The following USP12 variants were observed in gnomAD, a reference collection of about 807,000 sequenced individuals.
USP12 encodes the protein ubiquitin carboxyl-terminal hydrolase 12.
USP12 carries 19 observed loss-of-function variants against 45.5 expected under a neutral mutation model. The observed-to-expected ratio is 0.42, with a 90% CI of 0.29 to 0.61. The LOEUF is 0.61. Among genes scored for constraint, USP12 ranks in the 20% least tolerant of loss-of-function variants. The pLI, the probability that USP12 is intolerant of heterozygous loss-of-function variation, is 0.22. For missense variants in USP12, 242 were observed against 447.7 expected (o/e 0.54, Z 4.15); for synonymous variants, 149 against 148.8 (o/e 1.00, Z -0.01).
At chr13:27,132,936 A>C (rs1273324222) in intron 1 of USP12, among the ~76,000 whole-genome samples, 1 of 152,232 alleles carries the variant, frequency 6.6e-6, no homozygotes, top group Non-Finnish European at 1.5e-5. Context: ...GCTATTCTGA[A>C]TGAACTTCTT....
rs1873047633 is a variant in USP12 at position 27,067,424 on chromosome 13, C to T, written c.*1859G>A. The T allele has an allele frequency of 6.6e-6, 1 of 152,178 alleles. No homozygotes were observed. The highest frequency in any genetic ancestry group is 1.9e-4 in the East Asian group (1 of 5,186). 9.4% of individuals were successfully genotyped at this position (152,178 alleles called of 1,614,324 possible). A position where few individuals can be genotyped will look rare whatever the true frequency, so the allele number is the denominator to read the frequency against. On this transcript the variant is annotated 3_prime_UTR_variant, in exon 9 of 9. Transcript: ENST00000282344. ...GTGGCATGTTGGTAGATCAGGCTGG[C>T]TTATATATAATTTGTACAAAACACC...
At chr13:27,106,594 TA>T (rs1262293238) in intron 2 of USP12, among the ~76,000 whole-genome samples, 38 of 152,336 alleles carry the variant, frequency 2.5e-4, no homozygotes, top group Middle Eastern at 3.4e-3. Flanking sequence ...ATAATTCTCA[TA>T]TTTCTACTAT....
chr13:27,111,405 C>T (rs1452411999), intron 2 of USP12, among the ~76,000 whole-genome samples: 1 of 152,096 alleles, frequency 6.6e-6, no homozygotes, highest in Non-Finnish European at 1.5e-5. Context: ...AACAAAAAAA[C>T]ATTGCTTTAG....
At chr13:27,089,042 A>G (rs1473394919) in intron 6 of USP12, among the ~76,000 whole-genome samples, 1 of 152,242 alleles carries the variant, frequency 6.6e-6, no homozygotes, top group Non-Finnish European at 1.5e-5. Context: ...CAAAATAACT[A>G]ACTTATGATT....
intron 1 of USP12, among the ~76,000 whole-genome samples, chr13:27,127,315 A>G (rs554730173): frequency 1.3e-5 from 2 of 152,354 alleles, no homozygotes; most frequent in South Asian, 4.1e-4. Context: ...AAATCGGCAC[A>G]AAGCAAAGTG....
At chr13:27,160,076 A>G (rs749371997) in intron 1 of USP12, among the ~76,000 whole-genome samples, 18 of 152,194 alleles carry the variant, frequency 1.2e-4, no homozygotes, top group Non-Finnish European at 2.2e-4. Context: ...GAACGAAAAT[A>G]CCACCTTAAA....
chr13:27,095,858 AT>A, intron 3 of USP12, 28 bp from the exon 4 acceptor site: 2 of 1,504,980 alleles, frequency 1.3e-6, no homozygotes, highest in Non-Finnish European at 1.8e-6. Context: ...ATATTAGAGA[AT>A]TATTTCAGAA....
At chr13:27,071,844 C>CA (rs1417102487) in intron 7 of USP12, among the ~76,000 whole-genome samples, 2 of 152,044 alleles carry the variant, frequency 1.3e-5, no homozygotes, top group African/African-American at 2.4e-5. Flanking sequence ...AAGGATATGA[C>CA]AAAGGTTTTA....
At chr13:27,156,219 G>A (rs1238755588) in intron 1 of USP12, among the ~76,000 whole-genome samples, 12 of 141,888 alleles carry the variant, frequency 8.5e-5, no homozygotes, top group Non-Finnish European at 9.2e-5. Flanking sequence ...CTCCTGCAAG[G>A]AAAAAAAAAA....
Position 27,068,862 on chromosome 13 carries a change from A to G in USP12, c.*421T>C. Reference sequence around the variant, plus strand: ...TGAAAAGACCACTGAATATGCTTCTATACATACTGAACCAGGCAAATTTAT... The same window carrying G: ...TGAAAAGACCACTGAATATGCTTCTGTACATACTGAACCAGGCAAATTTAT... On this transcript the variant is annotated 3_prime_UTR_variant, in exon 9 of 9. Transcript: ENST00000282344. The G allele has an allele frequency of 5.3e-6, 1 of 188,964 alleles. No individual in the cohort carries two copies. Among genetic ancestry groups the G allele is most frequent in the East Asian group, 1.7e-4 (1 of 6,056 alleles). The allele number at this position is 188,964 out of a possible 1,614,324, so 11.7% of individuals were successfully genotyped here. A position where few individuals can be genotyped will look rare whatever the true frequency, so the allele number is the denominator to read the frequency against.
At chr13:27,108,743 G>A (rs760807193) in intron 2 of USP12, among the ~76,000 whole-genome samples, 3 of 152,104 alleles carry the variant, frequency 2.0e-5, no homozygotes, top group Non-Finnish European at 4.4e-5. Context: ...GATCAGTTGC[G>A]GTCAGGAGTT....
chr13:27,152,767 C>A (rs1321052438), intron 1 of USP12, among the ~76,000 whole-genome samples: 1 of 151,540 alleles, frequency 6.6e-6, no homozygotes, highest in African/African-American at 2.4e-5. Context: ...ACGGTGAAAC[C>A]CCGTCTCTAC....
intron 1 of USP12, chr13:27,170,051 G>A: frequency 2.9e-6 from 1 of 343,842 alleles, no homozygotes; most frequent in African/African-American, 2.1e-5. Flanking sequence ...AATTGACTAA[G>A]ATAATAATTG....
intron 1 of USP12, among the ~76,000 whole-genome samples, chr13:27,169,729 C>T (rs1194945306): frequency 6.6e-6 from 1 of 152,166 alleles, no homozygotes; most frequent in Non-Finnish European, 1.5e-5. Flanking sequence ...CTGTCCTAAT[C>T]TGATTACAGC....
chr13:27,081,486 T>G (rs1340166704), intron 6 of USP12, among the ~76,000 whole-genome samples: 2 of 152,210 alleles, frequency 1.3e-5, no homozygotes, highest in Non-Finnish European at 2.9e-5. Context: ...ACATCTACAG[T>G]GACTTCCTCC....
Position 27,116,503 on chromosome 13 carries a change from A to G in USP12, c.129+13T>C. The G allele has an allele frequency of 3.7e-6, 6 of 1,612,180 alleles. No individual in the cohort carries two copies. Among genetic ancestry groups the G allele is most frequent in the Non-Finnish European group, 5.1e-6 (6 of 1,179,006 alleles). On this transcript the variant is annotated intron_variant, in intron 2 of 8. Coordinates refer to ENST00000282344, the MANE Select transcript of USP12 (RefSeq NM_182488.4). The stretch of plus-strand genomic sequence containing the variant: ...CCGAACATGATTCTAAAAGCGTATC[A>G]ATGGATACTTACATTGACTAATCCA...
At chr13:27,070,408 A>G (rs1873192405) in intron 8 of USP12, among the ~76,000 whole-genome samples, 1 of 152,282 alleles carries the variant, frequency 6.6e-6, no homozygotes, top group Non-Finnish European at 1.5e-5. Flanking sequence ...TGAGTGTGTG[A>G]GTATGGCCAT....
chr13:27,069,322 A>C lies in USP12; in HGVS notation c.1074T>G (p.Ser358=). The C allele has an allele frequency of 6.2e-7, 1 of 1,612,448 alleles. No homozygotes were observed. The highest frequency in any genetic ancestry group is 8.5e-7 in the Non-Finnish European group (1 of 1,179,838). Reference sequence around the variant, plus strand: ...GATAGAAAAGGATGTAACCAGACTCAGAGTTCTTTGAGATATCTGATGTCA... The same window carrying C: ...GATAGAAAAGGATGTAACCAGACTCCGAGTTCTTTGAGATATCTGATGTCA... The part of the protein sequence containing the change: ...YGLTSDISKN[S]ESGYILFYQS... Residue 358 remains serine (S), a synonymous_variant, in exon 9 of 9, where the codon TCT becomes TCG. Transcript: ENST00000282344.
At chr13:27,119,994 A>G (rs188529431) in intron 1 of USP12, among the ~76,000 whole-genome samples, 53 of 152,354 alleles carry the variant, frequency 3.5e-4, no homozygotes, top group Admixed American at 5.2e-4. Context: ...GCTAACTAAA[A>G]AGGCAAAAGA....
Sources: allele counts gnomAD v4.1 joint callset (sites outside exome capture counted in the v4.1 genomes callset), GRCh38; gene constraint gnomAD v4.1.1; transcripts MANE v1.5; gene names NCBI Gene and HGNC (gene_info 2026-07-23, HGNC 2026-07-21).